NRG3: variants seen among roughly 807,000 people sequenced by gnomAD.
NRG3 encodes neuregulin 3.
A neutral mutation model predicts 66.9 loss-of-function variants in NRG3; 31 were observed. That is an observed-to-expected ratio of 0.46 (90% confidence interval 0.35 to 0.63). NRG3 has a LOEUF of 0.63. Among genes scored for constraint, NRG3 ranks in the 20% least tolerant of loss-of-function variants. The pLI is 0.00. For synonymous variants in NRG3, 393 were observed against 359.4 expected (o/e 1.09, Z -1.06); for missense variants, 910 against 878.9 (o/e 1.04, Z -0.45).
intron 2 of NRG3, among the ~76,000 whole-genome samples, chr10:82,447,815 T>G (rs1374905711): frequency 6.6e-6 from 1 of 152,234 alleles, no homozygotes; most frequent in African/African-American, 2.4e-5. Context: ...GGGGAATTTT[T>G]CAATGAATAT....
chr10:82,175,836 G>A (rs1172389067), intron 1 of NRG3, among the ~76,000 whole-genome samples: 1 of 152,054 alleles, frequency 6.6e-6, no homozygotes, highest in Non-Finnish European at 1.5e-5. Context: ...ACTATTTATT[G>A]CCTACCTAAT....
chr10:82,479,441 G>A (rs889921124), intron 2 of NRG3, among the ~76,000 whole-genome samples: 8 of 151,432 alleles, frequency 5.3e-5, no homozygotes, highest in Non-Finnish European at 8.8e-5. Flanking sequence ...GCTCATGCCT[G>A]TAATCCCAGC....
intron 1 of NRG3, among the ~76,000 whole-genome samples, chr10:82,004,053 T>C (rs2061286421): frequency 6.6e-6 from 1 of 150,964 alleles, no homozygotes; most frequent in Non-Finnish European, 1.5e-5. Context: ...TAGAGCAGCA[T>C]TTATTAAACC....
intron 3 of NRG3, among the ~76,000 whole-genome samples, chr10:82,854,567 T>C (rs933644602): frequency 6.6e-6 from 1 of 152,232 alleles, no homozygotes; most frequent in Admixed American, 6.5e-5. Context: ...GACACCATTG[T>C]GTAAAACAAA....
chr10:82,062,978 G>A (rs1294873491), intron 1 of NRG3, among the ~76,000 whole-genome samples: 1 of 152,082 alleles, frequency 6.6e-6, no homozygotes, highest in Non-Finnish European at 1.5e-5. Context: ...GCCATTATCT[G>A]CCGCCCACCC....
intron 4 of NRG3, among the ~76,000 whole-genome samples, chr10:82,910,511 T>G (rs1845215400): frequency 6.6e-6 from 1 of 152,238 alleles, no homozygotes; most frequent in Non-Finnish European, 1.5e-5. Flanking sequence ...TCTATTATTA[T>G]GCTAGCAGGA....
intron 1 of NRG3, among the ~76,000 whole-genome samples, chr10:82,018,185 A>G (rs1412630767): frequency 6.6e-6 from 1 of 152,174 alleles, no homozygotes; most frequent in African/African-American, 2.4e-5. Flanking sequence ...CATTTATTAA[A>G]TAGGGAATCC....
chr10:82,328,612 A>G (rs1346024214), intron 1 of NRG3, among the ~76,000 whole-genome samples: 1 of 152,170 alleles, frequency 6.6e-6, no homozygotes, highest in African/African-American at 2.4e-5. Context: ...GGATTGCTCA[A>G]TTTCTGTTAA....
At chr10:81,947,828 A>G (rs2133158964) in intron 1 of NRG3, among the ~76,000 whole-genome samples, 1 of 152,206 alleles carries the variant, frequency 6.6e-6, no homozygotes, top group East Asian at 1.9e-4. Context: ...TTCCAAAGCT[A>G]ACCCCCTCAG....
chr10:82,206,409 T>A (rs2133566104), intron 1 of NRG3, among the ~76,000 whole-genome samples: 1 of 152,300 alleles, frequency 6.6e-6, no homozygotes, highest in Middle Eastern at 3.4e-3. Context: ...AGCTGCAGAC[T>A]TGGGCAGTAG....
chr10:82,978,050 C>T (rs544388186), intron 7 of NRG3, among the ~76,000 whole-genome samples: 1 of 152,224 alleles, frequency 6.6e-6, no homozygotes, highest in African/African-American at 2.4e-5. Context: ...TTGAGCACTG[C>T]AGAACCAGTG....
intron 1 of NRG3, among the ~76,000 whole-genome samples, chr10:81,916,608 G>T (rs935348008): frequency 1.3e-5 from 2 of 152,146 alleles, no homozygotes; most frequent in African/African-American, 2.4e-5. Context: ...GAACCCAAGG[G>T]TCTGCTGTCG....
At chr10:82,595,457 C>T (rs1455014740) in intron 2 of NRG3, among the ~76,000 whole-genome samples, 1 of 152,126 alleles carries the variant, frequency 6.6e-6, no homozygotes, top group African/African-American at 2.4e-5. Context: ...AGGATTACCA[C>T]CTTATAAAAC....
intron 1 of NRG3, among the ~76,000 whole-genome samples, chr10:82,220,688 CA>C (rs1467811374): frequency 6.6e-6 from 1 of 152,058 alleles, no homozygotes; most frequent in Non-Finnish European, 1.5e-5. Flanking sequence ...TTTTGATTAC[CA>C]AATTTCATTT....
At chr10:82,584,298 C>A (rs1178475025) in intron 2 of NRG3, among the ~76,000 whole-genome samples, 1 of 152,028 alleles carries the variant, frequency 6.6e-6, no homozygotes, top group Non-Finnish European at 1.5e-5. Context: ...GTTGGCCATG[C>A]TGGTCTTGAA....
chr10:82,716,076 C>T (rs2056956020), intron 2 of NRG3, among the ~76,000 whole-genome samples: 1 of 152,124 alleles, frequency 6.6e-6, no homozygotes, highest in Admixed American at 6.5e-5. Flanking sequence ...GACAAACATT[C>T]ATTCCATAAT....
chr10:82,852,416 A>G (rs1314423169), intron 3 of NRG3, among the ~76,000 whole-genome samples: 1 of 152,094 alleles, frequency 6.6e-6, no homozygotes, highest in Non-Finnish European at 1.5e-5. Context: ...CCTATGTAAC[A>G]AGCTTGCACA....
intron 1 of NRG3, among the ~76,000 whole-genome samples, chr10:82,088,770 A>T (rs554051664): frequency 1.3e-5 from 2 of 152,218 alleles, no homozygotes; most frequent in East Asian, 3.9e-4. Flanking sequence ...CTTTTCCCCA[A>T]TACAGTTATT....
intron 2 of NRG3, among the ~76,000 whole-genome samples, chr10:82,402,570 T>G (rs1208811817): frequency 6.6e-6 from 1 of 152,126 alleles, no homozygotes; most frequent in East Asian, 1.9e-4. Context: ...TGTGAGAATT[T>G]TTTTACTCAT....
Sources: gnomAD v4.1 joint callset for allele counts (sites outside exome capture counted in the v4.1 genomes callset) on GRCh38, gnomAD v4.1.1 for gene constraint, MANE v1.5 for transcripts, NCBI Gene and HGNC (gene_info 2026-07-23, HGNC 2026-07-21) for gene names.